ADAMTSL3: variants seen among roughly 807,000 people sequenced by gnomAD.
ADAMTSL3 encodes the protein ADAMTS-like protein 3.
ADAMTSL3 carries 128 observed loss-of-function variants against 201.7 expected under a neutral mutation model. The observed-to-expected ratio is 0.63, with a 90% CI of 0.55 to 0.73. ADAMTSL3 has a LOEUF of 0.73. Among genes scored for constraint, ADAMTSL3 ranks in the 30% least tolerant of loss-of-function variants. The pLI is 0.00. For synonymous variants in ADAMTSL3, 738 were observed against 748.4 expected (o/e 0.99, Z 0.23); for missense variants, 1,990 against 2,119.6 (o/e 0.94, Z 1.20).
intron 19 of ADAMTSL3, chr15:83,945,607 C>T (rs938428141): frequency 5.3e-5 from 8 of 152,160 alleles, no homozygotes; most frequent in African/African-American, 1.4e-4. Context: ...GAAGTCTTAC[C>T]TTGCCCCATT....
rs1171545959 is a variant in ADAMTSL3, at chr15:83,820,017, C to T, written c.570C>T (p.Ser190=). ...VLDGTRCNTD[S]LDMCISGICQ... ...ATGGAACTCGTTGCAACACGGACTC[C>T]TTGGACATGTGTATCAGTGGCATCT... The change falls in exon 6 of 30, where the codon TCC becomes TCT. Residue 190 remains serine (S), a synonymous_variant. Transcript: ENST00000286744. 6.2e-7 allele frequency: 1 copy of T among 1,614,060 alleles called. No homozygotes were observed. Among genetic ancestry groups the T allele is most frequent in the Non-Finnish European group, 8.5e-7 (1 of 1,180,034 alleles).
intron 12 of ADAMTSL3, 56 bp from the exon 13 acceptor site, chr15:83,892,627 TG>T (rs1310921876): frequency 6.5e-7 from 1 of 1,535,250 alleles, no homozygotes; most frequent in South Asian, 1.2e-5. Flanking sequence ...CCACCATCTT[TG>T]CAAACTTCAA....
At chr15:83,970,274 G>A (rs1314678554) in intron 19 of ADAMTSL3, among the ~76,000 whole-genome samples, 1 of 150,074 alleles carries the variant, frequency 6.7e-6, no homozygotes, top group Non-Finnish European at 1.5e-5. Context: ...GAGAAAGAAA[G>A]AAAGGAAGAG....
chr15:83,767,307 C>G (rs2062908452), intron 3 of ADAMTSL3, among the ~76,000 whole-genome samples: 1 of 152,198 alleles, frequency 6.6e-6, no homozygotes, highest in African/African-American at 2.4e-5. Context: ...CAAGCTTGTT[C>G]AGGTCTTCTT....
At chr15:83,962,887 T>G (rs546427740) in intron 19 of ADAMTSL3, among the ~76,000 whole-genome samples, 77 of 152,166 alleles carry the variant, frequency 5.1e-4, no homozygotes, top group African/African-American at 1.8e-3. Context: ...CATGGTGGGG[T>G]GTCTCCTTAC....
intron 2 of ADAMTSL3, among the ~76,000 whole-genome samples, chr15:83,664,456 G>A (rs145985819): frequency 2.0e-5 from 3 of 152,076 alleles, no homozygotes; most frequent in Non-Finnish European, 2.9e-5. Context: ...CTCTCACTGC[G>A]CTCTCTTGCT....
chr15:83,878,433 GT>G (rs1188069974), intron 9 of ADAMTSL3, among the ~76,000 whole-genome samples: 4 of 152,138 alleles, frequency 2.6e-5, no homozygotes, highest in African/African-American at 9.7e-5. Context: ...GGCTAACACG[GT>G]GAAACTCTGT....
chr15:83,772,117 G>T (rs1596177972), intron 3 of ADAMTSL3, among the ~76,000 whole-genome samples: 1 of 152,162 alleles, frequency 6.6e-6, no homozygotes, highest in African/African-American at 2.4e-5. Context: ...GCCTCCCAAA[G>T]TGCTAGGATT....
Position 83,982,984 on chromosome 15 carries a change from A to G in ADAMTSL3, c.3356A>G (p.Gln1119Arg). ...TGEVSDDLAS[Q>R]LIYQLVAELA... ...GAGGTCAGCGATGATCTTGCGTCCCAGCTGATATATCAGCTGGTGGCCGAA... is the reference window on the plus strand; with the variant it reads ...GAGGTCAGCGATGATCTTGCGTCCCGGCTGATATATCAGCTGGTGGCCGAA... Residue 1119 changes from glutamine (Q) to arginine (R), a missense_variant, in exon 21 of 30, where the codon CAG becomes CGG. Coordinates refer to ENST00000286744, the MANE Select transcript of ADAMTSL3 (RefSeq NM_207517.3). 1 of 1,614,208 alleles carries G rather than the reference A, an allele frequency of 6.2e-7. No individual in the cohort carries two copies. Among genetic ancestry groups the G allele is most frequent in the Non-Finnish European group, 8.5e-7 (1 of 1,180,020 alleles).
At chr15:83,997,995 G>C (rs1198289380) in intron 23 of ADAMTSL3, among the ~76,000 whole-genome samples, 1 of 151,346 alleles carries the variant, frequency 6.6e-6, no homozygotes, top group African/African-American at 2.4e-5. Flanking sequence ...AGTGCCAAGA[G>C]TCCTCACCTA....
At chr15:83,804,469 T>C (rs923826233) in intron 4 of ADAMTSL3, among the ~76,000 whole-genome samples, 181 bp from the exon 5 acceptor site, 1 of 152,166 alleles carries the variant, frequency 6.6e-6, no homozygotes, top group Non-Finnish European at 1.5e-5. Flanking sequence ...ACAAGACTTT[T>C]TGGCTCCCGA....
At chr15:83,823,972 T>TCTTCTTCTCCTC (rs1567170062) in intron 6 of ADAMTSL3, among the ~76,000 whole-genome samples, 3 of 71,102 alleles carry the variant, frequency 4.2e-5, no homozygotes, top group African/African-American at 1.3e-4. Context: ...TTCTTCTTCT[T>TCTTCTTCTCCTC]CTCCTCCTCC....
chr15:84,032,204 G>A (rs2068422081), intron 28 of ADAMTSL3, among the ~76,000 whole-genome samples: 1 of 152,210 alleles, frequency 6.6e-6, no homozygotes, highest in African/African-American at 2.4e-5. Flanking sequence ...AAGTTTTAAT[G>A]ATTTAGCTTA....
chr15:83,783,770 G>T (rs950467055), intron 4 of ADAMTSL3, among the ~76,000 whole-genome samples: 3 of 151,398 alleles, frequency 2.0e-5, no homozygotes, highest in Admixed American at 6.6e-5. Context: ...AAAAAGTGGT[G>T]CAAGCTGCCA....
At chr15:84,010,200 G>T (rs969627407) in intron 23 of ADAMTSL3, among the ~76,000 whole-genome samples, 3 of 152,194 alleles carry the variant, frequency 2.0e-5, no homozygotes, top group Non-Finnish European at 2.9e-5. Flanking sequence ...TGTATATGTT[G>T]TGGAGGCCAG....
At chr15:83,820,170 C>A (rs774377704) in intron 6 of ADAMTSL3, 123 bp downstream of exon 6, 2 of 779,250 alleles carry the variant, frequency 2.6e-6, no homozygotes, top group African/African-American at 1.7e-5. Flanking sequence ...TGGCCAGGTA[C>A]GGTGGCTTAC....
intron 8 of ADAMTSL3, among the ~76,000 whole-genome samples, chr15:83,868,834 A>G (rs895475728): frequency 3.3e-5 from 5 of 152,232 alleles, no homozygotes; most frequent in African/African-American, 1.2e-4. Flanking sequence ...CCATTAAAAT[A>G]GTGGCTAGAT....
chr15:83,680,555 T>C (rs1225335064), intron 2 of ADAMTSL3, among the ~76,000 whole-genome samples: 1 of 151,334 alleles, frequency 6.6e-6, no homozygotes, highest in Non-Finnish European at 1.5e-5. Flanking sequence ...TTCTAGTATG[T>C]CTTTAAATAT....
intron 4 of ADAMTSL3, among the ~76,000 whole-genome samples, chr15:83,796,041 G>GA (rs1397480894): frequency 2.0e-5 from 3 of 152,144 alleles, no homozygotes; most frequent in Admixed American, 2.0e-4. Context: ...ACTCTCAATT[G>GA]AAAAATATTA....
Sources: allele counts gnomAD v4.1 joint callset (sites outside exome capture counted in the v4.1 genomes callset), GRCh38; gene constraint gnomAD v4.1.1; transcripts MANE v1.5; gene names NCBI Gene and HGNC (gene_info 2026-07-23, HGNC 2026-07-21).